The following TRPM3 variants were observed in gnomAD, a reference collection of about 807,000 sequenced individuals.
The protein encoded by TRPM3 is long transient receptor potential channel 3.
Under a neutral mutation model 181.2 loss-of-function variants are expected in TRPM3, and 77 were observed. The observed-to-expected ratio is 0.42, with a 90% CI of 0.35 to 0.51. The LOEUF (loss-of-function observed/expected upper bound fraction) is 0.51. Ranked by LOEUF, TRPM3 falls within the 20% of genes least tolerant of loss-of-function variation. The pLI, the probability that TRPM3 is intolerant of heterozygous loss-of-function variation, is 0.01. For synonymous variants in TRPM3, 745 were observed against 796.4 expected, an observed-to-expected ratio of 0.94 and a Z score of 1.09; for missense variants, 1,759 against 2,196.7, an observed-to-expected ratio of 0.80 and a Z score of 3.98.
Position 71,423,942 on chromosome 9 carries a change from T to A in TRPM3, c.183+22711A>T, listed in dbSNP as rs117092095. On this transcript the variant is annotated intron_variant, in intron 1 of 24. Coordinates refer to the TRPM3 transcript ENST00000357533. ...AAATCCAGTAACGTATCCACCTTGT[T>A]AAGGACAAGTTGACAAAAATGGCTG... Among the ~76,000 whole-genome samples, 373 of 152,204 alleles carry A rather than the reference T, an allele frequency of 2.5e-3. 5 individuals are homozygous for A. In the East Asian group the frequency reaches 0.03, roughly 12 times the overall value.
chr9:71,248,101 C>T (rs2082140031), intron 1 of TRPM3, among the ~76,000 whole-genome samples: 1 of 152,196 alleles, frequency 6.6e-6, no homozygotes, highest in Admixed American at 6.5e-5. Flanking sequence ...TCAAGCTCTT[C>T]CAAACCTCCA....
At chr9:71,043,152 A>G (rs1264990070) in intron 1 of TRPM3, among the ~76,000 whole-genome samples, 2 of 152,170 alleles carry the variant, frequency 1.3e-5, no homozygotes, top group African/African-American at 4.8e-5. Context: ...ACATTTTTGC[A>G]TTTTTGAGGC....
At position 70,847,560 on chromosome 9, in the gene TRPM3, G is replaced by T. The variant is rs2095027795; in HGVS notation, c.463-969C>A. 2.0e-5 allele frequency among the ~76,000 whole-genome samples: 3 copies of T among 152,148 alleles called. No individual in the cohort carries two copies. In the South Asian group the frequency reaches 6.2e-4, roughly 32 times the overall value. ...AGAGCATCTGATTTAATGATTGCAT[G>T]CAGGGGGGAATTGAATGATTTTATG... is the stretch of plus-strand genomic sequence containing the variant. On this transcript the variant is annotated intron_variant, in intron 3 of 25. Coordinates refer to ENST00000677713, the MANE Select transcript of TRPM3 (RefSeq NM_001366145.2).
intron 1 of TRPM3, among the ~76,000 whole-genome samples, chr9:71,276,120 C>T (rs2084193547): frequency 1.3e-5 from 2 of 152,148 alleles, no homozygotes; most frequent in Non-Finnish European, 2.9e-5. Context: ...TGATTACAGG[C>T]ATGAGCCACT....
At chr9:71,201,458 C>A (rs2078788577) in intron 1 of TRPM3, among the ~76,000 whole-genome samples, 1 of 152,178 alleles carries the variant, frequency 6.6e-6, no homozygotes, top group African/African-American at 2.4e-5. Flanking sequence ...GGATAATATC[C>A]TGCAGAGTGT....
At chr9:70,771,556 A>T (rs577395545) in intron 7 of TRPM3, among the ~76,000 whole-genome samples, 8 of 152,318 alleles carry the variant, frequency 5.3e-5, no homozygotes, top group Admixed American at 5.2e-4. Context: ...GATACATATC[A>T]AAAAGGAAAC....
At chr9:71,200,926 C>G (rs2078744576) in intron 1 of TRPM3, among the ~76,000 whole-genome samples, 1 of 150,792 alleles carries the variant, frequency 6.6e-6, no homozygotes, top group Non-Finnish European at 1.5e-5. Flanking sequence ...ATGATGTTAG[C>G]TGGTTATTTT....
chr9:70,768,742 A>C (rs1202004087), intron 7 of TRPM3, among the ~76,000 whole-genome samples: 2 of 152,090 alleles, frequency 1.3e-5, no homozygotes, highest in African/African-American at 4.8e-5. Flanking sequence ...CACCCAACTC[A>C]AAAACGTATA....
intron 5 of TRPM3, among the ~76,000 whole-genome samples, chr9:70,828,716 T>A (rs991519542): frequency 1.9e-5 from 1 of 52,134 alleles, no homozygotes; most frequent in Non-Finnish European, 5.7e-5. Flanking sequence ...TTTTTTTTTT[T>A]ATAAAAAGAA....
At chr9:71,215,033 CAAAAAAAAAAAAACA>C (rs1313382544) in intron 1 of TRPM3, among the ~76,000 whole-genome samples, 2 of 105,824 alleles carry the variant, frequency 1.9e-5, no homozygotes, top group Non-Finnish European at 3.9e-5. Flanking sequence ...CACCAAAAAA[CAAAAAAAAAAAAACA>C]AAAAAAAAAA....
intron 1 of TRPM3, among the ~76,000 whole-genome samples, chr9:70,882,350 TA>T (rs1028535625): frequency 2.0e-5 from 3 of 152,180 alleles, no homozygotes; most frequent in African/African-American, 7.2e-5. Context: ...TGAGCTTACA[TA>T]AATTATATCT....
At chr9:71,309,899 T>C (rs1357011528) in intron 1 of TRPM3, among the ~76,000 whole-genome samples, 1 of 152,134 alleles carries the variant, frequency 6.6e-6, no homozygotes, top group Non-Finnish European at 1.5e-5. Context: ...AAACATTAAA[T>C]ATTTCTATCA....
intron 1 of TRPM3, among the ~76,000 whole-genome samples, chr9:71,129,436 A>G (rs1789678406): frequency 6.6e-6 from 1 of 152,194 alleles, no homozygotes; most frequent in South Asian, 2.1e-4. Flanking sequence ...TAAAATGATG[A>G]TTAATAACTT....
At chr9:70,776,909 G>A (rs745703981) in intron 7 of TRPM3, among the ~76,000 whole-genome samples, 3 of 152,178 alleles carry the variant, frequency 2.0e-5, no homozygotes, top group Admixed American at 1.3e-4. Context: ...TTCATATACA[G>A]TTTCGTGGGC....
At chr9:70,581,506 A>G (rs2055661327) in intron 22 of TRPM3, among the ~76,000 whole-genome samples, 1 of 152,236 alleles carries the variant, frequency 6.6e-6, no homozygotes, top group Admixed American at 6.5e-5. Context: ...ACTCTGTCAC[A>G]TCTGAGGAAA....
At chr9:71,287,346 G>C (rs1394378131) in intron 1 of TRPM3, among the ~76,000 whole-genome samples, 1 of 151,550 alleles carries the variant, frequency 6.6e-6, no homozygotes, top group Non-Finnish European at 1.5e-5. Flanking sequence ...GAAGTCTCAG[G>C]CATTTCAGAA....
intron 1 of TRPM3, among the ~76,000 whole-genome samples, chr9:71,442,241 T>G (rs73649742): frequency 6.6e-6 from 1 of 152,346 alleles, no homozygotes; most frequent in African/African-American, 2.4e-5. Flanking sequence ...ATAAGGGTAA[T>G]TATAGCATTA....
chr9:70,583,075 C>T (rs555995828), intron 22 of TRPM3, among the ~76,000 whole-genome samples: 26 of 152,196 alleles, frequency 1.7e-4, no homozygotes, highest in East Asian at 9.6e-4. Context: ...CCCCAGGGAA[C>T]GGAAGGTTGC....
At chr9:70,965,621 A>G (rs1406940128) in intron 1 of TRPM3, among the ~76,000 whole-genome samples, 1 of 152,092 alleles carries the variant, frequency 6.6e-6, no homozygotes, top group Non-Finnish European at 1.5e-5. Flanking sequence ...CATCCCAGGG[A>G]TAAGGCCTAC....
Sources: gnomAD v4.1 joint callset for allele counts (sites outside exome capture counted in the v4.1 genomes callset) on GRCh38, gnomAD v4.1.1 for gene constraint, MANE v1.5 for transcripts, NCBI Gene and HGNC (gene_info 2026-07-23, HGNC 2026-07-21) for gene names.